The following DIAPH1 variants were observed in gnomAD, a reference collection of about 807,000 sequenced individuals.
DIAPH1 encodes the protein diaphanous related formin 1, also known as protein diaphanous homolog 1.
In DIAPH1, 46 loss-of-function variants were observed where a neutral mutation model predicts 140.7. The ratio of observed to expected loss-of-function variants is 0.33; its 90% CI spans 0.26 to 0.42. The LOEUF (loss-of-function observed/expected upper bound fraction) is 0.42. DIAPH1 is among the 10% of genes least tolerant of loss of function. The pLI, the probability that DIAPH1 is intolerant of heterozygous loss-of-function variation, is 1.00. For missense variants in DIAPH1, 1,310 were observed against 1,558.7 expected (o/e 0.84, Z 2.69); for synonymous variants, 565 against 551.6 (o/e 1.02, Z -0.34).
intron 1 of DIAPH1, 93 bp downstream of exon 1, chr5:141,618,705 C>T (rs2099903109): frequency 4.6e-6 from 4 of 876,566 alleles, no homozygotes; most frequent in Non-Finnish European, 3.6e-6. Flanking sequence ...GGGGGCGGCT[C>T]CCCAAAGCCG....
Position 141,573,662 on chromosome 5 carries a change from G to A in DIAPH1, c.2188C>T (p.Pro730Ser). The A allele has an allele frequency of 6.2e-7, 1 of 1,611,802 alleles. No individual in the cohort carries two copies. The highest frequency in any genetic ancestry group is 8.5e-7 in the Non-Finnish European group (1 of 1,178,470). The change falls in exon 16 of 28, where the codon CCT (proline) becomes TCT (serine). Residue 730 changes from proline to serine, a missense_variant. Physicochemically the swap from Pro to Ser is moderately conservative, Grantham distance 74 (BLOSUM62 -1). Transcript: ENST00000389054. ...LPGGPGIPPP[P>S]PFPGGPGIPP... is the part of the protein sequence containing the mutation. ...ATGCCAGGGCCTCCGGGAAATGGAG[G>A]AGGTGGAGGGATTCCAGGACCACCA...
At chr5:141,607,265 A>T (rs1309775414) in intron 1 of DIAPH1, among the ~76,000 whole-genome samples, 1 of 152,182 alleles carries the variant, frequency 6.6e-6, no homozygotes, top group Admixed American at 6.5e-5. Flanking sequence ...ATAGACTCAG[A>T]TTGTTTCAAC....
intron 18 of DIAPH1, among the ~76,000 whole-genome samples, chr5:141,561,371 T>C (rs2099893506): frequency 6.6e-6 from 1 of 152,150 alleles, no homozygotes; most frequent in Admixed American, 6.5e-5. Context: ...TTTGTTTTTT[T>C]TTTTTTTACA....
At chr5:141,529,118 G>C (rs907807801) in intron 21 of DIAPH1, 54 bp downstream of exon 21, 80 of 1,565,352 alleles carry the variant, frequency 5.1e-5, no homozygotes, top group Non-Finnish European at 6.9e-5. Context: ...GCTCTCTAGA[G>C]GGGAGGGGAA....
chr5:141,539,748 T>C (rs942938658), intron 18 of DIAPH1, among the ~76,000 whole-genome samples: 2 of 152,186 alleles, frequency 1.3e-5, no homozygotes, highest in Non-Finnish European at 2.9e-5. Context: ...TTTGTAATCC[T>C]CTTTATTTTA....
At chr5:141,616,921 A>G (rs1015614748) in intron 1 of DIAPH1, among the ~76,000 whole-genome samples, 4 of 152,238 alleles carry the variant, frequency 2.6e-5, no homozygotes, top group South Asian at 4.1e-4. Context: ...AGACAGGTGA[A>G]AAGGGGTTGA....
At position 141,597,764 on chromosome 5, in the gene DIAPH1, A is replaced by C. The variant is rs184973828; in HGVS notation, c.118-9514T>G. The stretch of plus-strand genomic sequence containing the variant: ...CAACACCTGGGTGAATCTGACCCAG[A>C]TGGTTGGCCTGTCTGGACCATATGT... On this transcript the variant is annotated intron_variant, in intron 1 of 27. Transcript: ENST00000389054. 3.5e-4 allele frequency among the ~76,000 whole-genome samples: 54 copies of C among 152,286 alleles called. No individual in the cohort carries two copies. The Middle Eastern group carries it at 0.01, about 29-fold the overall frequency.
rs2154594788 is a variant in DIAPH1, at chr5:141,516,384, T to C, written c.*467A>G. Reference sequence around the variant, plus strand: ...GAGGGAAGAGCAGAGACAACAGCAATGAAAGGAGGGATCTAGCCCAAAGGT... The same window carrying C: ...GAGGGAAGAGCAGAGACAACAGCAACGAAAGGAGGGATCTAGCCCAAAGGT... On this transcript the variant is annotated 3_prime_UTR_variant, in exon 28 of 28. Coordinates refer to ENST00000389054, the MANE Select transcript of DIAPH1 (RefSeq NM_005219.5). 1 of 200,356 alleles carries C rather than the reference T, an allele frequency of 5.0e-6. No homozygotes were observed. Among genetic ancestry groups the C allele is most frequent in the Non-Finnish European group, 1.0e-5 (1 of 95,916 alleles). The allele number at this position is 200,356 out of a possible 1,614,324, so 12.4% of individuals were successfully genotyped here.
chr5:141,575,261 C>A, intron 14 of DIAPH1, 115 bp from the exon 15 acceptor site: 1 of 996,038 alleles, frequency 1.0e-6, no homozygotes, highest in Non-Finnish European at 1.6e-6. Context: ...CTGGAATCCC[C>A]CCACTGCCTC....
intron 18 of DIAPH1, among the ~76,000 whole-genome samples, chr5:141,544,202 CG>C (rs1188342994): frequency 1.3e-5 from 2 of 151,596 alleles, no homozygotes; most frequent in Non-Finnish European, 2.9e-5. Flanking sequence ...CCCAGCTACT[CG>C]GGAGGCTGAG....
rs374003670 is a variant in DIAPH1, at chr5:141,531,315, C to CT, written c.2582-1619dup. On this transcript the variant is annotated intron_variant, in intron 19 of 27. Coordinates refer to ENST00000389054, the MANE Select transcript of DIAPH1 (RefSeq NM_005219.5). ...AATTTTACCTTCTCTCTCTCTCTCT[C>CT]TTTTTTTTTTTTGAGACAGCATCTC... is the stretch of plus-strand genomic sequence containing the variant. 8.3e-3 allele frequency among the ~76,000 whole-genome samples: 1,202 copies of CT among 144,892 alleles called. 10 individuals carry two copies. Among genetic ancestry groups the CT allele is most frequent in the African/African-American group, 0.025 (997 of 39,566 alleles).
chr5:141,602,340 C>A (rs1220236505), intron 1 of DIAPH1, among the ~76,000 whole-genome samples: 2 of 152,168 alleles, frequency 1.3e-5, no homozygotes, highest in Admixed American at 6.5e-5. Flanking sequence ...CTCAGCCTCC[C>A]GAGTAGCTGG....
At chr5:141,553,195 G>C (rs987457250) in intron 18 of DIAPH1, among the ~76,000 whole-genome samples, 15 of 152,282 alleles carry the variant, frequency 9.9e-5, no homozygotes, top group African/African-American at 3.4e-4. Context: ...GGGAAGCTGA[G>C]GCAGAAGAAT....
intron 18 of DIAPH1, among the ~76,000 whole-genome samples, chr5:141,540,099 C>A (rs1016826837): frequency 2.0e-5 from 3 of 151,990 alleles, no homozygotes; most frequent in Admixed American, 2.0e-4. Context: ...TTCTGTATAT[C>A]TCATAAGGCA....
At chr5:141,582,466 G>T (rs2099896921) in intron 6 of DIAPH1, 91 bp from the exon 7 acceptor site, 2 of 922,266 alleles carry the variant, frequency 2.2e-6, no homozygotes, top group Non-Finnish European at 3.6e-6. Context: ...AGGAACAACA[G>T]CCCCATCTAG....
chr5:141,552,514 A>G (rs995622128), intron 18 of DIAPH1, among the ~76,000 whole-genome samples: 2 of 152,210 alleles, frequency 1.3e-5, no homozygotes, highest in African/African-American at 4.8e-5. Context: ...GGCATTAGAC[A>G]TTGGAAAAGG....
chr5:141,570,448 G>C (rs1191859631), intron 18 of DIAPH1, among the ~76,000 whole-genome samples: 1 of 152,082 alleles, frequency 6.6e-6, no homozygotes, highest in Non-Finnish European at 1.5e-5. Context: ...ATTTTGACCT[G>C]AATGACAGGG....
intron 19 of DIAPH1, among the ~76,000 whole-genome samples, 179 bp downstream of exon 19, chr5:141,534,156 T>C (rs2099888678): frequency 6.6e-6 from 1 of 150,920 alleles, no homozygotes; most frequent in Admixed American, 6.6e-5. Flanking sequence ...TACTTAAAAA[T>C]CTTGCAGTGC....
chr5:141,543,714 C>T (rs1393979932), intron 18 of DIAPH1, among the ~76,000 whole-genome samples: 1 of 152,138 alleles, frequency 6.6e-6, no homozygotes, highest in Non-Finnish European at 1.5e-5. Context: ...TAAATGCATT[C>T]CAACTTAACA....
Sources: gnomAD v4.1 joint callset for allele counts (sites outside exome capture counted in the v4.1 genomes callset) on GRCh38, gnomAD v4.1.1 for gene constraint, MANE v1.5 for transcripts, NCBI Gene and HGNC (gene_info 2026-07-23, HGNC 2026-07-21) for gene names.